MCM9: variants seen among roughly 807,000 people sequenced by gnomAD.
The protein encoded by MCM9 is DNA helicase MCM9.
A neutral mutation model predicts 72.8 loss-of-function variants in MCM9; 55 were observed. The ratio of observed to expected loss-of-function variants is 0.76; its 90% CI spans 0.61 to 0.95. The LOEUF is 0.95. MCM9 is among the 40% of genes least tolerant of loss of function. MCM9 has a pLI of 0.00. For synonymous variants in MCM9, 480 were observed against 503.4 expected (o/e 0.95, Z 0.62); for missense variants, 1,279 against 1,377.0 (o/e 0.93, Z 1.13).
chr6:118,845,411 C>A lies in MCM9; in HGVS notation c.1325+10960G>T, dbSNP rs563401512. Among the ~76,000 whole-genome samples the A allele has an allele frequency of 3.6e-4, 54 of 151,868 alleles. 3 individuals carry two copies. The highest frequency in any genetic ancestry group is 1.3e-3 in the African/African-American group (52 of 41,190). ...AGCTAGCAAGTTGTGAAGCTGGAACCGCCATATAGCCCAGACTAGCTCTGG... is the reference window on the plus strand; with the variant it reads ...AGCTAGCAAGTTGTGAAGCTGGAACAGCCATATAGCCCAGACTAGCTCTGG... On this transcript the variant is annotated intron_variant, in intron 9 of 13. Coordinates refer to ENST00000619706, the MANE Select transcript of MCM9 (RefSeq NM_017696.3).
intron 6 of MCM9, among the ~76,000 whole-genome samples, 192 bp downstream of exon 6, chr6:118,917,369 G>A (rs995454592): frequency 6.6e-6 from 1 of 152,146 alleles, no homozygotes; most frequent in Admixed American, 6.5e-5. Context: ...CTCCAGGCAG[G>A]TTGCTAAATA....
chr6:118,870,972 C>T (rs185782401), intron 8 of MCM9, among the ~76,000 whole-genome samples: 2 of 152,128 alleles, frequency 1.3e-5, no homozygotes, highest in Non-Finnish European at 2.9e-5. Context: ...AGTCTCTCAT[C>T]AAAGAAAAGC....
intron 9 of MCM9, among the ~76,000 whole-genome samples, chr6:118,855,424 CT>C (rs1175341399): frequency 1.3e-5 from 2 of 152,128 alleles, no homozygotes; most frequent in African/African-American, 4.8e-5. Flanking sequence ...CATAGCAGGT[CT>C]TTAATGAGTA....
At chr6:118,896,486 C>A (rs769258528) in intron 8 of MCM9, among the ~76,000 whole-genome samples, 3 of 152,092 alleles carry the variant, frequency 2.0e-5, no homozygotes, top group Non-Finnish European at 4.4e-5. Context: ...TAGATGAAAC[C>A]AGCCATTCAT....
At chr6:118,917,347 G>A (rs1781046900) in intron 6 of MCM9, among the ~76,000 whole-genome samples, 3 of 152,158 alleles carry the variant, frequency 2.0e-5, no homozygotes, top group Admixed American at 2.0e-4. Flanking sequence ...ATAATAGTTA[G>A]AAATGAAATA....
chr6:118,874,229 T>C (rs1265593065), intron 8 of MCM9, among the ~76,000 whole-genome samples: 1 of 152,150 alleles, frequency 6.6e-6, no homozygotes, highest in African/African-American at 2.4e-5. Context: ...CACTCCAGCC[T>C]GCACAACAGA....
At chr6:118,880,122 T>C in intron 8 of MCM9, among the ~76,000 whole-genome samples, 1 of 151,394 alleles carries the variant, frequency 6.6e-6, no homozygotes, top group East Asian at 1.9e-4. Flanking sequence ...GACATGCAAA[T>C]AATACCATTT....
chr6:118,894,131 C>T, intron 8 of MCM9: 2 of 1,201,598 alleles, frequency 1.7e-6, no homozygotes, highest in South Asian at 4.8e-5. Flanking sequence ...CTGCCGAGGC[C>T]CTCGCTGGAG....
chr6:118,828,321 C>T (rs1258336209), intron 10 of MCM9, among the ~76,000 whole-genome samples, 191 bp from the exon 11 acceptor site: 1 of 152,042 alleles, frequency 6.6e-6, no homozygotes, highest in Non-Finnish European at 1.5e-5. Context: ...GGTAAGCTTC[C>T]TGCCTTTATT....
At chr6:118,872,724 C>T (rs553472750) in intron 8 of MCM9, among the ~76,000 whole-genome samples, 4 of 151,652 alleles carry the variant, frequency 2.6e-5, no homozygotes, top group East Asian at 1.9e-4. Flanking sequence ...GCACTTAGAG[C>T]GACATTAGTG....
At chr6:118,838,667 C>T (rs373736298) in intron 9 of MCM9, among the ~76,000 whole-genome samples, 8 of 152,166 alleles carry the variant, frequency 5.3e-5, no homozygotes, top group Admixed American at 2.0e-4. Context: ...GTGATCCGCC[C>T]GCCGCAGCCT....
chr6:118,902,676 A>T (rs1779886651), intron 8 of MCM9, among the ~76,000 whole-genome samples: 1 of 152,142 alleles, frequency 6.6e-6, no homozygotes, highest in African/African-American at 2.4e-5. Context: ...ATGTATTCAA[A>T]AGTATTTCCT....
At chr6:118,863,099 ATTC>A in intron 8 of MCM9, among the ~76,000 whole-genome samples, 1 of 152,346 alleles carries the variant, frequency 6.6e-6, no homozygotes, top group South Asian at 2.1e-4. Context: ...TTATTTTCTT[ATTC>A]TTAATTGATC....
At chr6:118,889,767 C>T (rs1262608197) in intron 8 of MCM9, among the ~76,000 whole-genome samples, 1 of 152,108 alleles carries the variant, frequency 6.6e-6, no homozygotes, top group Admixed American at 6.5e-5. Flanking sequence ...AATGTAATTA[C>T]AGTGCTTCAG....
intron 13 of MCM9, among the ~76,000 whole-genome samples, chr6:118,817,375 G>A (rs1297351013): frequency 6.6e-6 from 1 of 151,802 alleles, no homozygotes; most frequent in Admixed American, 6.6e-5. Context: ...ACTTATGAGT[G>A]AGAACATGTG....
chr6:118,872,191 C>T (rs544998649), intron 8 of MCM9, among the ~76,000 whole-genome samples: 27 of 151,656 alleles, frequency 1.8e-4, no homozygotes, highest in African/African-American at 4.1e-4. Flanking sequence ...TGGTGGTGGG[C>T]GCCTGTAGTC....
At chr6:118,917,886 CA>C in intron 5 of MCM9, 125 bp from the exon 6 acceptor site, 1 of 769,474 alleles carries the variant, frequency 1.3e-6, no homozygotes, top group Non-Finnish European at 2.1e-6. Flanking sequence ...TATGTACACT[CA>C]TCCAGAAAAC....
chr6:118,913,161 T>C, intron 7 of MCM9, 134 bp downstream of exon 7: 2 of 990,506 alleles, frequency 2.0e-6, no homozygotes, highest in Admixed American at 2.6e-5. Flanking sequence ...GTATAAGATA[T>C]TCAGACAACT....
chr6:118,923,315 G>C (rs12196440), intron 4 of MCM9, among the ~76,000 whole-genome samples: 1 of 148,064 alleles, frequency 6.8e-6, no homozygotes, highest in Non-Finnish European at 1.5e-5. Flanking sequence ...ACAGGGTCTC[G>C]CTCTGTCAAC....
Sources: gnomAD v4.1 joint callset for allele counts (sites outside exome capture counted in the v4.1 genomes callset) on GRCh38, gnomAD v4.1.1 for gene constraint, MANE v1.5 for transcripts, NCBI Gene and HGNC (gene_info 2026-07-23, HGNC 2026-07-21) for gene names.